COL6A5: variants seen among roughly 807,000 people sequenced by gnomAD.
COL6A5 encodes collagen alpha-5(VI) chain.
COL6A5 carries 48 observed loss-of-function variants against 65.6 expected under a neutral mutation model. The observed-to-expected ratio is 0.73, with a 90% CI of 0.58 to 0.93. The LOEUF (loss-of-function observed/expected upper bound fraction) is 0.93, where lower values mean the gene tolerates loss of function less well. Among genes scored for constraint, COL6A5 ranks in the 40% least tolerant of loss-of-function variants. The probability of loss-of-function intolerance (pLI) is 0.00; values close to 1 mark genes in which losing one functional copy is unlikely to be tolerated. For missense variants in COL6A5, 914 were observed against 928.3 expected (o/e 0.98, Z 0.20); for synonymous variants, 291 against 322.8 (o/e 0.90, Z 1.05).
chr3:130,352,563 G>A (rs747080308), intron 1 of COL6A5, among the ~76,000 whole-genome samples: 1 of 152,116 alleles, frequency 6.6e-6, no homozygotes, highest in Non-Finnish European at 1.5e-5. Context: ...ATGGGTAGAT[G>A]TATTTATTAT....
In COL6A5 at chr3:130,470,987, G is replaced by C. The variant is rs1709937461; in HGVS notation, c.2328+20G>C. 1 of 1,555,232 alleles carries C rather than the reference G, an allele frequency of 6.4e-7. No individual in the cohort carries two copies. Among genetic ancestry groups the C allele is most frequent in the Non-Finnish European group, 8.9e-7 (1 of 1,128,716 alleles). On this transcript the variant is annotated intron_variant, in intron 7 of 7. Coordinates refer to ENST00000512836, the Ensembl canonical transcript of COL6A5. ...TGTATTGTGAGTTGAGAAATTCCAA[G>C]TTTGGGTAATACCACAACTGGAAAC...
intron 5 of COL6A5, among the ~76,000 whole-genome samples, chr3:130,460,068 T>C (rs1427619733): frequency 6.6e-6 from 1 of 152,118 alleles, no homozygotes; most frequent in Non-Finnish European, 1.5e-5. Context: ...AACTTGAATG[T>C]ATATTTTTAC....
intron 7 of COL6A5, among the ~76,000 whole-genome samples, chr3:130,479,873 T>A (rs1277490281): frequency 1.3e-5 from 2 of 152,120 alleles, no homozygotes; most frequent in Non-Finnish European, 2.9e-5. Context: ...GTATAATTAA[T>A]AGCCATTTGA....
chr3:130,431,882 T>G, exon 1 of COL6A5: 1 of 1,551,596 alleles, frequency 6.4e-7, no homozygotes, highest in Non-Finnish European at 8.7e-7. Context: ...ACCATGGAGT[T>G]TAGTGCCCTG....
rs1443026412 is a variant in COL6A5, at chr3:130,394,881, C to T, written c.2993-9C>T. The stretch of plus-strand genomic sequence containing the variant: ...TGAGGAAAATAATTTATTCTTTTTT[C>T]TATTGCAGTCTGTCATCTTCAGGAA... On this transcript the variant is annotated splice_polypyrimidine_tract_variant and intron_variant and NMD_transcript_variant, in intron 7 of 41. Transcript: ENST00000312481. 1.3e-6 allele frequency: 2 copies of T among 1,533,930 alleles called. No individual in the cohort carries two copies. The highest frequency in any genetic ancestry group is 1.2e-5 in the South Asian group (1 of 81,132).
chr3:130,398,287 C>T (rs1468913444), intron 10 of COL6A5, among the ~76,000 whole-genome samples, 176 bp downstream of exon 10: 2 of 151,960 alleles, frequency 1.3e-5, no homozygotes, highest in Admixed American at 6.6e-5. Flanking sequence ...CCCACCACCA[C>T]GCCCAGCTAA....
At chr3:130,429,559 T>G, upstream of COL6A5, 1 of 1,546,272 alleles carries the variant, frequency 6.5e-7, no homozygotes, top group Non-Finnish European at 8.7e-7. Flanking sequence ...CTTTTCCCTC[T>G]CTCCTTTTCA....
chr3:130,388,535 C>T, intron 5 of COL6A5, 45 bp from the exon 6 acceptor site: 1 of 1,429,716 alleles, frequency 7.0e-7, no homozygotes, highest in Non-Finnish European at 9.3e-7. Context: ...TCATGAGAAC[C>T]TTTCCAACCT....
chr3:130,416,757 G>T (rs1463172489), exon 24 of COL6A5: 3 of 1,522,604 alleles, frequency 2.0e-6, no homozygotes, highest in East Asian at 5.0e-5. Context: ...TTTTTTTCAG[G>T]GTTCTCCTGG....
At chr3:130,477,247 G>A (rs938349715) in intron 7 of COL6A5, 23 of 582,062 alleles carry the variant, frequency 4.0e-5, no homozygotes, top group African/African-American at 1.3e-4. Context: ...CACACTATGC[G>A]TGGAATATAA....
chr3:130,383,151 CA>C (rs1936065608), intron 4 of COL6A5, among the ~76,000 whole-genome samples: 1 of 152,024 alleles, frequency 6.6e-6, no homozygotes, highest in Admixed American at 6.6e-5. Flanking sequence ...CATTCTTTGG[CA>C]GTGTTTAATT....
At chr3:130,416,038 C>T (rs924758863) in intron 23 of COL6A5, among the ~76,000 whole-genome samples, 2 of 152,098 alleles carry the variant, frequency 1.3e-5, no homozygotes, top group Non-Finnish European at 2.9e-5. Flanking sequence ...AAAAGTTATA[C>T]ATGCCATGCA....
chr3:130,403,713 A>C, intron 13 of COL6A5, 51 bp downstream of exon 13: 1 of 919,054 alleles, frequency 1.1e-6, no homozygotes, highest in Non-Finnish European at 1.5e-6. Flanking sequence ...CACTGTACAC[A>C]CACACACACA....
intron 7 of COL6A5, among the ~76,000 whole-genome samples, chr3:130,478,440 G>A (rs368812778): frequency 2.0e-5 from 3 of 152,024 alleles, no homozygotes; most frequent in African/African-American, 7.2e-5. Flanking sequence ...TTATACTGGG[G>A]TATACATACT....
chr3:130,401,861 C>T lies in COL6A5; in HGVS notation c.4227+7C>T. On this transcript the variant is annotated splice_region_variant and intron_variant and NMD_transcript_variant, in intron 12 of 41. Coordinates refer to the COL6A5 transcript ENST00000312481. ...AGGACTACAAGCCATGAAGGTGCCA[C>T]TCACCTGTGATACTATTTTATCTAA... 6.5e-7 allele frequency: 1 copy of T among 1,544,768 alleles called. No individual in the cohort carries two copies. Among genetic ancestry groups the T allele is most frequent in the Non-Finnish European group, 8.8e-7 (1 of 1,140,726 alleles).
intron 1 of COL6A5, among the ~76,000 whole-genome samples, chr3:130,351,598 C>T (rs868471874): frequency 3.9e-5 from 6 of 152,144 alleles, no homozygotes; most frequent in African/African-American, 4.8e-5. Context: ...AAATCAAAAC[C>T]ACAATGAGAT....
At chr3:130,454,323 T>A (rs539413322) in intron 4 of COL6A5, among the ~76,000 whole-genome samples, 1 of 152,312 alleles carries the variant, frequency 6.6e-6, no homozygotes, top group Non-Finnish European at 1.5e-5. Context: ...GCCTCCTCTG[T>A]TACATGATGA....
chr3:130,403,388 G>A (rs931066049), intron 12 of COL6A5, among the ~76,000 whole-genome samples: 2 of 152,168 alleles, frequency 1.3e-5, no homozygotes, highest in African/African-American at 2.4e-5. Context: ...CCTCCCGCAA[G>A]CATTAGGAGG....
intron 1 of COL6A5, among the ~76,000 whole-genome samples, chr3:130,365,528 C>T (rs1242694204): frequency 2.0e-5 from 3 of 152,198 alleles, no homozygotes; most frequent in Admixed American, 6.5e-5. Flanking sequence ...CCGCCCGCCT[C>T]GGCCTCCCAA....
Sources: allele counts gnomAD v4.1 joint callset (sites outside exome capture counted in the v4.1 genomes callset), GRCh38; gene constraint gnomAD v4.1.1; transcripts MANE v1.5; gene names NCBI Gene and HGNC (gene_info 2026-07-23, HGNC 2026-07-21).